The following RANBP17 variants were observed in gnomAD, a reference collection of about 807,000 sequenced individuals.
The protein encoded by RANBP17 is ran-binding protein 17.
Under a neutral mutation model 141.2 loss-of-function variants are expected in RANBP17, and 158 were observed. The ratio of observed to expected loss-of-function variants is 1.12; its 90% confidence interval spans 0.98 to 1.28. RANBP17 has a LOEUF of 1.28. Ranked by LOEUF, RANBP17 falls within the 50% of genes most tolerant of loss-of-function variation. The pLI is 0.00. For missense variants in RANBP17, 1,438 were observed against 1,290.7 expected, an observed-to-expected ratio of 1.11 and a Z score of -1.75; for synonymous variants, 430 against 450.0, an observed-to-expected ratio of 0.96 and a Z score of 0.56.
intron 3 of RANBP17, among the ~76,000 whole-genome samples, chr5:170,888,732 T>A (rs1443608671): frequency 1.3e-5 from 2 of 152,168 alleles, no homozygotes; most frequent in African/African-American, 4.8e-5. Flanking sequence ...TACAGTATTA[T>A]GTTGCAAAGC....
At chr5:170,897,371 T>A (rs550335984) in intron 5 of RANBP17, 37 of 477,970 alleles carry the variant, frequency 7.7e-5, no homozygotes, top group East Asian at 5.7e-4. Flanking sequence ...TTTTTTTTTT[T>A]AAATATTCCA....
rs566895006 is a variant in RANBP17 at position 171,139,052 on chromosome 5, T to C, written c.1711-31078T>C. Among the ~76,000 whole-genome samples, 6 of 152,086 alleles carry C rather than the reference T, an allele frequency of 3.9e-5. No homozygotes were observed. The East Asian group carries it at 1.2e-3, about 29-fold the overall frequency. ...TGATCATGCCACTTGCACTTCAGCC[T>C]GGGCAACATACTGAGACCCTGTCTC... On this transcript the variant is annotated intron_variant, in intron 14 of 27. Transcript: ENST00000523189.
chr5:170,907,285 A>C (rs1387180071), intron 5 of RANBP17, among the ~76,000 whole-genome samples: 7 of 148,116 alleles, frequency 4.7e-5, no homozygotes, highest in Non-Finnish European at 1.1e-4. Flanking sequence ...ATATATATGC[A>C]ATAGAAAATG....
chr5:170,904,011 A>C (rs1347588667), intron 5 of RANBP17: 2 of 481,356 alleles, frequency 4.2e-6, no homozygotes, highest in Non-Finnish European at 8.2e-6. Flanking sequence ...GATGTTTTCA[A>C]ATGCCTTTAG....
At chr5:170,899,485 A>G (rs564818585) in intron 5 of RANBP17, among the ~76,000 whole-genome samples, 11 of 152,208 alleles carry the variant, frequency 7.2e-5, no homozygotes, top group African/African-American at 2.6e-4. Context: ...TTGACTTCCT[A>G]TCTTCCTATT....
chr5:170,919,011 A>T, intron 10 of RANBP17, 152 bp downstream of exon 10: 1 of 416,632 alleles, frequency 2.4e-6, no homozygotes, highest in Non-Finnish European at 4.1e-6. Flanking sequence ...AATTCATTGA[A>T]ATGTATATAA....
At chr5:171,097,447 C>T (rs937343569) in intron 14 of RANBP17, among the ~76,000 whole-genome samples, 15 of 151,728 alleles carry the variant, frequency 9.9e-5, no homozygotes, top group South Asian at 2.1e-4. Flanking sequence ...ATTAACTGTA[C>T]GTTTAATAAG....
intron 18 of RANBP17, among the ~76,000 whole-genome samples, chr5:171,191,677 A>C (rs1008906138): frequency 6.7e-6 from 1 of 149,294 alleles, no homozygotes; most frequent in Non-Finnish European, 1.5e-5. Flanking sequence ...ACAGAGCGAG[A>C]CTCCGTCTCA....
Position 171,183,191 on chromosome 5 carries a change from GAAGA to G in RANBP17, c.1891_1894del (p.Lys631Ter). 6.3e-7 allele frequency: 1 copy of G among 1,576,088 alleles called. No individual in the cohort carries two copies. Among genetic ancestry groups the G allele is most frequent in the South Asian group, 1.1e-5 (1 of 90,138 alleles). ...CTTATATCCTTTTAAAAAAACTTGTGAAGATAGATGCTGTGAAATTCATGCTAAA... is the reference window on the plus strand; with the variant it reads ...CTTATATCCTTTTAAAAAAACTTGTGTAGATGCTGTGAAATTCATGCTAAA... On this transcript the variant is annotated frameshift_variant, in exon 17 of 28. Transcript: ENST00000523189. LOFTEE classifies it high-confidence loss of function.
intron 13 of RANBP17, among the ~76,000 whole-genome samples, chr5:170,956,461 T>C (rs967044349): frequency 1.1e-4 from 17 of 152,100 alleles, no homozygotes; most frequent in Non-Finnish European, 1.3e-4. Flanking sequence ...CTAAGACTTA[T>C]TATTTTCTAT....
At chr5:171,041,831 A>G (rs992826992) in intron 14 of RANBP17, among the ~76,000 whole-genome samples, 2 of 152,030 alleles carry the variant, frequency 1.3e-5, no homozygotes, top group African/African-American at 4.8e-5. Flanking sequence ...TGCTGCACCT[A>G]TCAACCCATC....
chr5:171,297,519 A>T (rs1768891229), intron 27 of RANBP17, among the ~76,000 whole-genome samples: 1 of 152,226 alleles, frequency 6.6e-6, no homozygotes, highest in Non-Finnish European at 1.5e-5. Context: ...GGGCTTTGGT[A>T]ATACATGACC....
At chr5:170,891,816 C>G (rs1769637922) in intron 3 of RANBP17, among the ~76,000 whole-genome samples, 2 of 152,190 alleles carry the variant, frequency 1.3e-5, no homozygotes, top group Non-Finnish European at 1.5e-5. Context: ...GAGACTTGGT[C>G]AGGGACACAA....
At chr5:171,269,677 G>T (rs770151826) in intron 25 of RANBP17, among the ~76,000 whole-genome samples, 1 of 152,194 alleles carries the variant, frequency 6.6e-6, no homozygotes, top group East Asian at 1.9e-4. Flanking sequence ...CAGATGAAAA[G>T]TGAGCCATTG....
intron 14 of RANBP17, among the ~76,000 whole-genome samples, chr5:170,997,740 AGT>A (rs1168302822): frequency 6.6e-6 from 1 of 152,184 alleles, no homozygotes; most frequent in Non-Finnish European, 1.5e-5. Flanking sequence ...TTGAGAAAAA[AGT>A]TTCCTTTATG....
At chr5:170,900,116 G>A (rs950921591) in intron 5 of RANBP17, among the ~76,000 whole-genome samples, 1 of 152,104 alleles carries the variant, frequency 6.6e-6, no homozygotes, top group South Asian at 2.1e-4. Context: ...TGTAACTCTG[G>A]TAGAATTCAG....
chr5:170,949,693 C>T (rs1287004226), intron 12 of RANBP17, among the ~76,000 whole-genome samples: 1 of 152,068 alleles, frequency 6.6e-6, no homozygotes, highest in Non-Finnish European at 1.5e-5. Flanking sequence ...AGTAGAGGTG[C>T]CATGTAACTC....
intron 24 of RANBP17, among the ~76,000 whole-genome samples, chr5:171,263,502 G>C (rs770983295): frequency 6.6e-6 from 1 of 152,180 alleles, no homozygotes; most frequent in Non-Finnish European, 1.5e-5. Context: ...TAATTTTAGT[G>C]TACAAAGGAG....
chr5:170,942,133 C>T (rs374790017), intron 12 of RANBP17, among the ~76,000 whole-genome samples: 116 of 152,242 alleles, frequency 7.6e-4, no homozygotes, highest in African/African-American at 2.5e-3. Flanking sequence ...GTTGCACACT[C>T]CTTTTGAGAA....
Sources: gnomAD v4.1 joint callset for allele counts (sites outside exome capture counted in the v4.1 genomes callset) on GRCh38, gnomAD v4.1.1 for gene constraint, MANE v1.5 for transcripts, NCBI Gene and HGNC (gene_info 2026-07-23, HGNC 2026-07-21) for gene names.